The following CNTN5 variants were observed in gnomAD, a reference collection of about 807,000 sequenced individuals.
CNTN5 encodes the protein contactin 5.
Under a neutral mutation model 129.1 loss-of-function variants are expected in CNTN5, and 77 were observed. The ratio of observed to expected loss-of-function variants is 0.60; its 90% CI spans 0.50 to 0.72. CNTN5 has a LOEUF of 0.72. CNTN5 is among the 30% of genes least tolerant of loss of function. CNTN5 has a pLI of 0.00. For missense variants in CNTN5, 1,478 were observed against 1,328.8 expected (o/e 1.11, Z -1.75); for synonymous variants, 509 against 465.6 (o/e 1.09, Z -1.20).
At chr11:100,133,331 T>C (rs990235571) in intron 13 of CNTN5, among the ~76,000 whole-genome samples, 8 of 152,130 alleles carry the variant, frequency 5.3e-5, no homozygotes, top group African/African-American at 1.9e-4. Context: ...CTGTTCCATT[T>C]AGGATGTCCA....
chr11:100,334,351 C>T (rs772985553), intron 21 of CNTN5, among the ~76,000 whole-genome samples: 1 of 152,128 alleles, frequency 6.6e-6, no homozygotes, highest in Non-Finnish European at 1.5e-5. Flanking sequence ...ACTAGTACAA[C>T]CACTATGGAA....
In CNTN5 at chr11:99,308,008, T is replaced by C. The variant is rs147195112; in HGVS notation, c.-209-17338T>C. Among the ~76,000 whole-genome samples the C allele has an allele frequency of 3.1e-3, 472 of 152,372 alleles. 6 individuals are homozygous for C. Among genetic ancestry groups the C allele is most frequent in the African/African-American group, 0.011 (452 of 41,584 alleles). On this transcript the variant is annotated intron_variant, in intron 1 of 24. Coordinates refer to ENST00000524871, the MANE Select transcript of CNTN5 (RefSeq NM_014361.4). ...ACTCAATGATTTAAGGAATAATTTA[T>C]GATTCCTGGCTCTAATAACATGCAC...
chr11:99,346,010 G>C (rs755879574), intron 2 of CNTN5, among the ~76,000 whole-genome samples: 2 of 152,062 alleles, frequency 1.3e-5, no homozygotes, highest in African/African-American at 2.4e-5. Context: ...AAAATAGTTA[G>C]CCCACATTCA....
At chr11:99,210,895 T>G (rs1859741222) in intron 1 of CNTN5, among the ~76,000 whole-genome samples, 1 of 152,176 alleles carries the variant, frequency 6.6e-6, no homozygotes, top group Non-Finnish European at 1.5e-5. Flanking sequence ...CTAAAGTGTC[T>G]AGTACAACAT....
At chr11:99,789,063 G>A (rs911101297) in intron 3 of CNTN5, among the ~76,000 whole-genome samples, 1 of 151,552 alleles carries the variant, frequency 6.6e-6, no homozygotes, top group Non-Finnish European at 1.5e-5. Context: ...AATCTCTACT[G>A]TTCTAAGAAA....
chr11:99,994,201 A>T (rs973782846), intron 8 of CNTN5, among the ~76,000 whole-genome samples: 1 of 152,160 alleles, frequency 6.6e-6, no homozygotes, highest in Non-Finnish European at 1.5e-5. Context: ...TATAAATGTA[A>T]TCTGGAAGAG....
intron 21 of CNTN5, among the ~76,000 whole-genome samples, chr11:100,336,223 T>A (rs751802661): frequency 2.6e-5 from 4 of 152,202 alleles, no homozygotes; most frequent in Non-Finnish European, 2.9e-5. Flanking sequence ...TTCTGGGAAA[T>A]TAATCTAATA....
chr11:100,041,628 T>C (rs1942384004), intron 9 of CNTN5, among the ~76,000 whole-genome samples: 1 of 152,188 alleles, frequency 6.6e-6, no homozygotes, highest in Admixed American at 6.6e-5. Flanking sequence ...AAAAATGATA[T>C]GTGAGAAAGG....
At position 99,727,321 on chromosome 11, in the gene CNTN5, A is replaced by AAAAAAAG. The variant is rs1555089264; in HGVS notation, c.56-92217_56-92216insGAAAAAA. Among the ~76,000 whole-genome samples the AAAAAAAG allele has an allele frequency of 3.2e-3, 400 of 123,478 alleles. 47 individuals carry two copies. The highest frequency in any genetic ancestry group is 6.1e-3 in the Non-Finnish European group (350 of 57,342). The allele number at this position is 123,478 out of a possible 152,430, so 81.0% of individuals were successfully genotyped here. ...GAGCGAGACTCCGTCTCAAAAAAAA[A>AAAAAAAG]AAAAAAAAAAAAATTCCAGGGCATT... is the stretch of plus-strand genomic sequence containing the variant. On this transcript the variant is annotated intron_variant, in intron 3 of 24. Coordinates refer to ENST00000524871, the MANE Select transcript of CNTN5 (RefSeq NM_014361.4).
intron 6 of CNTN5, among the ~76,000 whole-genome samples, chr11:99,879,992 G>C (rs562942752): frequency 6.6e-6 from 1 of 152,286 alleles, no homozygotes; most frequent in South Asian, 2.1e-4. Flanking sequence ...ATTGCAGTCT[G>C]TGAGAATATC....
chr11:99,168,726 TAATC>T (rs1375564360), intron 1 of CNTN5, among the ~76,000 whole-genome samples: 3 of 152,202 alleles, frequency 2.0e-5, no homozygotes, highest in Admixed American at 6.5e-5. Context: ...ACAATACTGG[TAATC>T]AAACAAACAT....
chr11:99,293,988 T>C (rs1461461943), intron 1 of CNTN5, among the ~76,000 whole-genome samples: 4 of 152,050 alleles, frequency 2.6e-5, no homozygotes, highest in Admixed American at 1.3e-4. Flanking sequence ...TTTTTAGTTT[T>C]TTGATGAGCA....
intron 1 of CNTN5, among the ~76,000 whole-genome samples, chr11:99,101,337 T>G (rs1866726142): frequency 6.6e-6 from 1 of 152,096 alleles, no homozygotes; most frequent in Non-Finnish European, 1.5e-5. Flanking sequence ...CTCTCCCAAA[T>G]CTCATGTCCT....
At chr11:100,087,530 A>G (rs188490046) in intron 13 of CNTN5, among the ~76,000 whole-genome samples, 2 of 152,062 alleles carry the variant, frequency 1.3e-5, no homozygotes, top group Admixed American at 6.6e-5. Context: ...CACCCTCATG[A>G]ACATAGATGA....
At chr11:100,223,976 A>T (rs969725713) in intron 15 of CNTN5, among the ~76,000 whole-genome samples, 2 of 141,790 alleles carry the variant, frequency 1.4e-5, no homozygotes, top group African/African-American at 4.9e-5. Flanking sequence ...CATTTAAAAG[A>T]TATCCTCCAT....
intron 1 of CNTN5, among the ~76,000 whole-genome samples, chr11:99,267,920 G>GCACACA (rs141288502): frequency 1.6e-3 from 226 of 140,542 alleles, no homozygotes; most frequent in African/African-American, 5.0e-3. Flanking sequence ...ACACACACAC[G>GCACACA]CACACACACA....
chr11:99,658,597 C>G (rs569995288), intron 3 of CNTN5, among the ~76,000 whole-genome samples: 1 of 151,698 alleles, frequency 6.6e-6, no homozygotes, highest in African/African-American at 2.4e-5. Context: ...GTGGGCCTAG[C>G]GCAGAGGCTC....
At chr11:99,908,906 G>A (rs10791053) in intron 6 of CNTN5, among the ~76,000 whole-genome samples, 146,102 of 152,166 alleles carry the variant, frequency 0.96, 70,320 homozygotes, top group Non-Finnish European at 0.99. Context: ...ACTGATTAAT[G>A]TCTGATAATA....
intron 1 of CNTN5, among the ~76,000 whole-genome samples, chr11:99,097,131 A>C (rs765410593): frequency 2.0e-5 from 3 of 151,940 alleles, no homozygotes; most frequent in Non-Finnish European, 4.4e-5. Flanking sequence ...TTGGAGTTAG[A>C]TAAATATCAT....
Sources: gnomAD v4.1 joint callset for allele counts (sites outside exome capture counted in the v4.1 genomes callset) on GRCh38, gnomAD v4.1.1 for gene constraint, MANE v1.5 for transcripts, NCBI Gene and HGNC (gene_info 2026-07-23, HGNC 2026-07-21) for gene names.